The following NTM variants were observed in gnomAD, a reference collection of about 807,000 sequenced individuals.
NTM encodes IgLON family member 2.
In NTM, 13 loss-of-function variants were observed where a neutral mutation model predicts 42.1. The ratio of observed to expected loss-of-function variants is 0.31; its 90% confidence interval spans 0.20 to 0.49. The LOEUF is 0.49. NTM is among the 20% of genes least tolerant of loss of function. NTM has a pLI of 0.99. For missense variants in NTM, 373 were observed against 452.8 expected, an observed-to-expected ratio of 0.82 and a Z score of 1.60; for synonymous variants, 187 against 179.2, an observed-to-expected ratio of 1.04 and a Z score of -0.35.
chr11:132,052,936 A>G lies in NTM; in HGVS notation c.168-93346A>G, dbSNP rs1431252947. ...GGTGTCTCTTGTCACTCTAAAATGGACCTAAACTAAGAGGTAGAATAACAA... is the reference window on the plus strand; with the variant it reads ...GGTGTCTCTTGTCACTCTAAAATGGGCCTAAACTAAGAGGTAGAATAACAA... On this transcript the variant is annotated intron_variant, in intron 2 of 8. Transcript: ENST00000683400. 3.3e-5 allele frequency among the ~76,000 whole-genome samples: 5 copies of G among 152,244 alleles called. No homozygotes were observed. The East Asian group carries it at 9.7e-4, about 29-fold the overall frequency.
intron 1 of NTM, among the ~76,000 whole-genome samples, chr11:131,680,971 A>G (rs1389191626): frequency 1.4e-4 from 3 of 20,752 alleles, no homozygotes; most frequent in African/African-American, 2.8e-4. Context: ...CTGTGTCTGT[A>G]TGTCTCCCTG....
intron 3 of NTM, among the ~76,000 whole-genome samples, chr11:132,156,051 G>A (rs1418169852): frequency 6.6e-6 from 1 of 152,138 alleles, no homozygotes. Flanking sequence ...GCTCCCGACT[G>A]TTAGAATGAA....
intron 1 of NTM, among the ~76,000 whole-genome samples, chr11:131,719,699 A>G (rs1309227507): frequency 6.6e-6 from 1 of 152,184 alleles, no homozygotes; most frequent in Non-Finnish European, 1.5e-5. Flanking sequence ...ATGAAGGCCA[A>G]GGGGACCCCA....
intron 2 of NTM, among the ~76,000 whole-genome samples, chr11:132,070,057 G>GTC (rs1428901593): frequency 2.2e-5 from 3 of 134,018 alleles, no homozygotes; most frequent in Non-Finnish European, 4.6e-5. Context: ...TAGTTAACAC[G>GTC]TCACACAGCC....
chr11:132,072,642 C>G (rs1169420072), intron 2 of NTM, among the ~76,000 whole-genome samples: 1 of 152,146 alleles, frequency 6.6e-6, no homozygotes, highest in African/African-American at 2.4e-5. Context: ...TCAGAACTTC[C>G]TTTCAGTCTC....
At chr11:131,673,998 T>C (rs1033540532) in intron 1 of NTM, among the ~76,000 whole-genome samples, 2 of 152,248 alleles carry the variant, frequency 1.3e-5, no homozygotes, top group African/African-American at 2.4e-5. Flanking sequence ...TCAGAAATGC[T>C]ATGTCTTGGA....
intron 2 of NTM, among the ~76,000 whole-genome samples, chr11:132,031,585 G>T (rs2075925782): frequency 6.6e-6 from 1 of 152,170 alleles, no homozygotes. Context: ...GGAATGATGA[G>T]TAGGGAAGAC....
intron 1 of NTM, among the ~76,000 whole-genome samples, chr11:131,737,610 A>C (rs763140793): frequency 6.6e-6 from 1 of 152,156 alleles, no homozygotes; most frequent in African/African-American, 2.4e-5. Flanking sequence ...GGGAAGATGA[A>C]TAGATCTGGG....
At chr11:131,968,659 T>G (rs1328017285) in intron 2 of NTM, among the ~76,000 whole-genome samples, 2 of 152,208 alleles carry the variant, frequency 1.3e-5, no homozygotes, top group Non-Finnish European at 2.9e-5. Flanking sequence ...TGTGCTGTAG[T>G]AAAAGTGTAG....
chr11:131,499,703 C>T (rs2046489408), intron 1 of NTM, among the ~76,000 whole-genome samples: 1 of 152,168 alleles, frequency 6.6e-6, no homozygotes, highest in South Asian at 2.1e-4. Context: ...AATTCTCCAC[C>T]ACACAGACCT....
chr11:131,926,474 G>T (rs2057970436), intron 2 of NTM, among the ~76,000 whole-genome samples: 1 of 152,056 alleles, frequency 6.6e-6, no homozygotes, highest in South Asian at 2.1e-4. Flanking sequence ...GGAATAGCGT[G>T]CTGGGCAGAG....
At chr11:131,605,850 T>C in intron 1 of NTM, 1 of 984,346 alleles carries the variant, frequency 1.0e-6, no homozygotes. Context: ...AGCCTCTTCT[T>C]GGACTATCTC....
intron 4 of NTM, among the ~76,000 whole-genome samples, chr11:132,261,477 T>C (rs1018490520): frequency 3.9e-5 from 6 of 152,176 alleles, no homozygotes; most frequent in Admixed American, 2.6e-4. Context: ...GAGCAGGGCA[T>C]ACCAGTAGGG....
At chr11:131,779,279 G>T (rs2087623882) in intron 1 of NTM, among the ~76,000 whole-genome samples, 1 of 152,158 alleles carries the variant, frequency 6.6e-6, no homozygotes, top group South Asian at 2.1e-4. Flanking sequence ...TTAGAGCAGA[G>T]AACTCAGGAA....
At chr11:132,285,725 C>T (rs1421349305) in intron 4 of NTM, among the ~76,000 whole-genome samples, 1 of 152,172 alleles carries the variant, frequency 6.6e-6, no homozygotes. Context: ...GCATCACTCC[C>T]CTTTTCTCAG....
intron 1 of NTM, among the ~76,000 whole-genome samples, chr11:131,475,740 TG>T (rs2136203911): frequency 6.6e-6 from 1 of 152,268 alleles, no homozygotes; most frequent in Non-Finnish European, 1.5e-5. Flanking sequence ...GTTTGTTTAA[TG>T]GGATTTTATG....
At chr11:131,647,824 T>C (rs895983481) in intron 1 of NTM, among the ~76,000 whole-genome samples, 29 of 152,130 alleles carry the variant, frequency 1.9e-4, no homozygotes, top group African/African-American at 7.0e-4. Context: ...ATAGATATGT[T>C]TTATTTAACT....
intron 2 of NTM, among the ~76,000 whole-genome samples, chr11:132,008,878 T>C (rs2071429754): frequency 2.0e-5 from 3 of 151,594 alleles, no homozygotes; most frequent in Admixed American, 1.3e-4. Flanking sequence ...TTTTTTTTTT[T>C]CCTGTTGTCA....
intron 2 of NTM, among the ~76,000 whole-genome samples, chr11:131,948,188 C>A (rs1164663674): frequency 6.6e-6 from 1 of 151,776 alleles, no homozygotes; most frequent in African/African-American, 2.4e-5. Context: ...AGTGAAACCC[C>A]GTCTCTACTA....
Sources: gnomAD v4.1 joint callset for allele counts (sites outside exome capture counted in the v4.1 genomes callset) on GRCh38, gnomAD v4.1.1 for gene constraint, MANE v1.5 for transcripts, NCBI Gene and HGNC (gene_info 2026-07-23, HGNC 2026-07-21) for gene names.